KIAA1328: variants seen among roughly 807,000 people sequenced by gnomAD.
KIAA1328 encodes protein hinderin.
In KIAA1328, 52 loss-of-function variants were observed where a neutral mutation model predicts 68.1. That is an observed-to-expected ratio of 0.76 (90% CI 0.61 to 0.96). The LOEUF (loss-of-function observed/expected upper bound fraction) is 0.96, where lower values mean the gene tolerates loss of function less well. Among genes scored for constraint, KIAA1328 ranks in the 40% least tolerant of loss-of-function variants. KIAA1328 has a pLI of 0.00. For synonymous variants in KIAA1328, 232 were observed against 239.4 expected (o/e 0.97, Z 0.28); for missense variants, 641 against 677.6 (o/e 0.95, Z 0.60).
chr18:36,962,655 A>C (rs2051735271), intron 6 of KIAA1328, among the ~76,000 whole-genome samples: 1 of 152,238 alleles, frequency 6.6e-6, no homozygotes, highest in Admixed American at 6.5e-5. Flanking sequence ...AGAACTCAGG[A>C]TTAAAAAACT....
chr18:37,007,130 C>T (rs996604934), intron 6 of KIAA1328, among the ~76,000 whole-genome samples: 1 of 152,144 alleles, frequency 6.6e-6, no homozygotes, highest in Non-Finnish European at 1.5e-5. Context: ...ATCTGGCATG[C>T]CATTGAATCC....
chr18:36,937,118 C>T (rs1197807505), intron 5 of KIAA1328, among the ~76,000 whole-genome samples: 1 of 152,074 alleles, frequency 6.6e-6, no homozygotes. Flanking sequence ...GAAAGGATCT[C>T]CTATTCAGTA....
chr18:36,987,955 A>G (rs561151690), intron 6 of KIAA1328, among the ~76,000 whole-genome samples: 1 of 152,252 alleles, frequency 6.6e-6, no homozygotes, highest in South Asian at 2.1e-4. Context: ...CTCCTAAAAT[A>G]TATTTTACAG....
chr18:37,160,125 T>C, intron 7 of KIAA1328, 75 bp from the exon 8 acceptor site: 4 of 1,156,840 alleles, frequency 3.5e-6, no homozygotes, highest in Middle Eastern at 2.0e-4. Flanking sequence ...TTTCAACCCA[T>C]ACTGAATTTA....
intron 4 of KIAA1328, among the ~76,000 whole-genome samples, chr18:36,852,758 C>G (rs905947286): frequency 6.6e-6 from 1 of 152,152 alleles, no homozygotes; most frequent in Non-Finnish European, 1.5e-5. Flanking sequence ...CGGTCTCAAG[C>G]AGTAACAGTA....
At chr18:36,914,457 C>T (rs933723504) in intron 5 of KIAA1328, among the ~76,000 whole-genome samples, 3 of 152,170 alleles carry the variant, frequency 2.0e-5, no homozygotes, top group Non-Finnish European at 4.4e-5. Context: ...CGTGGTGGCT[C>T]ATGCCTGTAA....
At chr18:36,861,390 C>G (rs1285480310) in intron 4 of KIAA1328, among the ~76,000 whole-genome samples, 1 of 152,090 alleles carries the variant, frequency 6.6e-6, no homozygotes, top group South Asian at 2.1e-4. Flanking sequence ...TTATTTTTCT[C>G]TGTGTAATTA....
rs550445532 is a variant in KIAA1328 at position 37,145,684 on chromosome 18, C to T, written c.1233-14516C>T. ...TTATTATGTCTACCTGATTATTTGC[C>T]CCTTTTATCATGATGAAATATTTCT... On this transcript the variant is annotated intron_variant, in intron 7 of 9. Transcript: ENST00000280020. Among the ~76,000 whole-genome samples the T allele has an allele frequency of 2.0e-5, 3 of 151,874 alleles. No individual in the cohort carries two copies. The South Asian group carries it at 6.2e-4, about 32-fold the overall frequency.
downstream of KIAA1328, among the ~76,000 whole-genome samples, chr18:37,225,917 C>T (rs1043516720): frequency 1.3e-5 from 2 of 152,156 alleles, no homozygotes; most frequent in African/African-American, 4.8e-5. Flanking sequence ...AGCTCCCAAA[C>T]TGAAAATGAA....
intron 7 of KIAA1328, among the ~76,000 whole-genome samples, chr18:37,150,270 A>G (rs2058999281): frequency 6.6e-6 from 1 of 152,128 alleles, no homozygotes; most frequent in African/African-American, 2.4e-5. Flanking sequence ...TCAATGAGAT[A>G]ATTATTTGTT....
At chr18:37,204,899 T>G (rs2014991) in intron 9 of KIAA1328, among the ~76,000 whole-genome samples, 3,686 of 152,242 alleles carry the variant, frequency 0.024, 130 homozygotes, top group African/African-American at 0.083. Context: ...TTTTTAAAAT[T>G]CTTTTAAAAT....
intron 4 of KIAA1328, among the ~76,000 whole-genome samples, chr18:36,878,106 G>T (rs1448325276): frequency 6.6e-6 from 1 of 152,136 alleles, no homozygotes; most frequent in Non-Finnish European, 1.5e-5. Flanking sequence ...TAGTGTTGAT[G>T]GTCTTCACAT....
At chr18:36,835,423 T>C (rs2046641578) in intron 3 of KIAA1328, 47 bp downstream of exon 3, 1 of 1,568,690 alleles carries the variant, frequency 6.4e-7, no homozygotes, top group Non-Finnish European at 8.7e-7. Flanking sequence ...CCAGTCTTTA[T>C]GAGTGCTGAC....
At chr18:37,009,779 T>C (rs999062342) in intron 6 of KIAA1328, among the ~76,000 whole-genome samples, 1 of 152,196 alleles carries the variant, frequency 6.6e-6, no homozygotes, top group South Asian at 2.1e-4. Flanking sequence ...TAAAAGAAAC[T>C]GAAGTCCCTG....
At chr18:37,138,485 A>G (rs998965056) in intron 7 of KIAA1328, among the ~76,000 whole-genome samples, 3 of 152,204 alleles carry the variant, frequency 2.0e-5, no homozygotes, top group Non-Finnish European at 2.9e-5. Context: ...CAGTACATCT[A>G]AGGGATTTGG....
At chr18:37,158,234 T>C (rs2059199705) in intron 7 of KIAA1328, among the ~76,000 whole-genome samples, 1 of 152,130 alleles carries the variant, frequency 6.6e-6, no homozygotes, top group Non-Finnish European at 1.5e-5. Context: ...TGATGGGGTC[T>C]TGCTGTGATG....
intron 4 of KIAA1328, among the ~76,000 whole-genome samples, chr18:36,873,562 A>G (rs1380626926): frequency 2.0e-5 from 3 of 152,204 alleles, no homozygotes; most frequent in African/African-American, 4.8e-5. Context: ...AAAGAAGGAC[A>G]TGAATACCAG....
At chr18:36,981,546 G>A (rs1375478784) in intron 6 of KIAA1328, among the ~76,000 whole-genome samples, 1 of 152,076 alleles carries the variant, frequency 6.6e-6, no homozygotes, top group Non-Finnish European at 1.5e-5. Flanking sequence ...GGTTTATAAA[G>A]ACAAATAGTA....
intron 6 of KIAA1328, among the ~76,000 whole-genome samples, chr18:37,008,088 G>A (rs2053845878): frequency 6.6e-6 from 1 of 152,208 alleles, no homozygotes; most frequent in South Asian, 2.1e-4. Flanking sequence ...CAGTTTCCAA[G>A]TTTTTTCTCC....
Sources: allele counts gnomAD v4.1 joint callset (sites outside exome capture counted in the v4.1 genomes callset), GRCh38; gene constraint gnomAD v4.1.1; transcripts MANE v1.5; gene names NCBI Gene and HGNC (gene_info 2026-07-23, HGNC 2026-07-21).